The following DNAH11 variants were observed in gnomAD, a reference collection of about 807,000 sequenced individuals.
DNAH11 encodes the protein axonemal beta dynein heavy chain 11.
Under a neutral mutation model 526.0 loss-of-function variants are expected in DNAH11, and 442 were observed. The ratio of observed to expected loss-of-function variants is 0.84; its 90% CI spans 0.78 to 0.91. DNAH11 has a LOEUF of 0.91. DNAH11 is among the 40% of genes least tolerant of loss of function. The pLI is 0.00. For missense variants in DNAH11, 6,989 were observed against 5,448.7 expected, an observed-to-expected ratio of 1.28 and a Z score of -8.90; for synonymous variants, 2,461 against 1,935.9, an observed-to-expected ratio of 1.27 and a Z score of -7.12.
intron 38 of DNAH11, among the ~76,000 whole-genome samples, chr7:21,704,962 C>T (rs748674389): frequency 6.6e-6 from 1 of 152,150 alleles, no homozygotes. Context: ...GAAGTAAAAT[C>T]ATTAGTGCCT....
intron 8 of DNAH11, among the ~76,000 whole-genome samples, chr7:21,578,279 A>T (rs565014553): frequency 6.6e-6 from 1 of 152,338 alleles, no homozygotes; most frequent in East Asian, 1.9e-4. Context: ...TCCAAATGGG[A>T]GAAATTGGCC....
At chr7:21,660,725 A>T (rs1305755716) in intron 30 of DNAH11, among the ~76,000 whole-genome samples, 2 of 152,044 alleles carry the variant, frequency 1.3e-5, no homozygotes, top group African/African-American at 4.8e-5. Flanking sequence ...GTTTATAGGT[A>T]TAAACATGTA....
chr7:21,696,796 A>T (rs1047693517), intron 35 of DNAH11, among the ~76,000 whole-genome samples: 1 of 152,206 alleles, frequency 6.6e-6, no homozygotes, highest in African/African-American at 2.4e-5. Flanking sequence ...TAAAATGAAG[A>T]TAAGAGGAGT....
intron 67 of DNAH11, among the ~76,000 whole-genome samples, chr7:21,853,050 G>T (rs1263908718): frequency 3.3e-5 from 5 of 152,172 alleles, no homozygotes; most frequent in African/African-American, 1.2e-4. Flanking sequence ...TTACAGGCCT[G>T]CCGTGGCAGG....
rs749175590 is a variant in DNAH11, at chr7:21,901,479, G to T, written c.*225G>T. On this transcript the variant is annotated 3_prime_UTR_variant, in exon 82 of 82. Transcript: ENST00000409508. The stretch of plus-strand genomic sequence containing the variant: ...AATCCCAGTTACTCAGGAGGTAGGA[G>T]AATCACTTGAACCTAGGAGGCAAAG... The T allele has an allele frequency of 2.2e-6, 1 of 464,600 alleles. No individual in the cohort carries two copies. The highest frequency in any genetic ancestry group is 7.3e-5 in the South Asian group (1 of 13,724). The allele number at this position is 464,600 out of a possible 1,614,324, so 28.8% of individuals were successfully genotyped here. A position where few individuals can be genotyped will look rare whatever the true frequency, so the allele number is the denominator to read the frequency against.
chr7:21,591,384 A>G lies in DNAH11; in HGVS notation c.2474A>G (p.His825Arg). The change falls in exon 14 of 82, where the codon CAC becomes CGC. Residue 825 changes from histidine to arginine, a missense_variant. Coordinates refer to ENST00000409508, the MANE Select transcript of DNAH11 (RefSeq NM_001277115.2). ...RVRAATSELE[H>R]RVERTQKNVK... ...AGGGCAGCCACGTCCGAGTTGGAGC[A>G]CAGAGTTGAGCGCACACAGAAAAAC... is the stretch of plus-strand genomic sequence containing the variant. The G allele has an allele frequency of 6.2e-7, 1 of 1,613,930 alleles. No homozygotes were observed. Among genetic ancestry groups the G allele is most frequent in the South Asian group, 1.1e-5 (1 of 91,068 alleles).
rs771891040 is a variant in DNAH11, at chr7:21,571,893, C to T, written c.1513C>T (p.His505Tyr). The T allele has an allele frequency of 2.0e-5, 33 of 1,612,772 alleles. 2 individuals are homozygous for T. The Admixed American group carries it at 2.2e-4, about 11-fold the overall frequency. The stretch of plus-strand genomic sequence containing the variant: ...AGGAGCAATTTTAAATGGACAAGTC[C>T]ACGAGATGAGTGAAGAACTTATGGA... Reference protein sequence around the residue: ...TKGAILNGQVHEMSEELMELC... With the variant: ...TKGAILNGQVYEMSEELMELC... Residue 505 changes from histidine to tyrosine, a missense_variant, in exon 8 of 82, where the codon CAC (histidine) becomes TAC (tyrosine). Transcript: ENST00000409508.
chr7:21,605,359 T>G (rs1013449787), intron 18 of DNAH11, among the ~76,000 whole-genome samples: 1 of 152,216 alleles, frequency 6.6e-6, no homozygotes, highest in Non-Finnish European at 1.5e-5. Context: ...GAACAATTCT[T>G]TGTTAATTGG....
chr7:21,748,602 C>A lies in DNAH11; in HGVS notation c.8533C>A (p.Arg2845=), dbSNP rs121908854. 1 of 1,552,168 alleles carries A rather than the reference C, an allele frequency of 6.4e-7. No homozygotes were observed. Among genetic ancestry groups the A allele is most frequent in the Admixed American group, 1.9e-5 (1 of 52,100 alleles). Residue 2845 remains arginine, a synonymous_variant, in exon 52 of 82, where the codon CGA becomes AGA. Coordinates refer to ENST00000409508, the MANE Select transcript of DNAH11 (RefSeq NM_001277115.2). ...QHVCRISRIL[R]TPQGCALLVG... Reference sequence around the variant, plus strand: ...CAGGTGTCGCATCAGCCGGATCTTACGAACCCCTCAGGGCTGTGCTCTCTT... The same window carrying A: ...CAGGTGTCGCATCAGCCGGATCTTAAGAACCCCTCAGGGCTGTGCTCTCTT...
chr7:21,846,890 G>C (rs1782442173), intron 66 of DNAH11, among the ~76,000 whole-genome samples: 1 of 151,966 alleles, frequency 6.6e-6, no homozygotes, highest in Admixed American at 6.6e-5. Context: ...AATGCATATA[G>C]GCCTTTTCAG....
In DNAH11 at chr7:21,774,072, A is replaced by G. The variant is rs183648319; in HGVS notation, c.9336+73A>G. On this transcript the variant is annotated intron_variant, in intron 56 of 81. Coordinates refer to ENST00000409508, the MANE Select transcript of DNAH11 (RefSeq NM_001277115.2). Reference sequence around the variant, plus strand: ...AGAAAAATATATTTCCTTTTGAAGCACTACTAAATCCATTTCTATAAGATG... The same window carrying G: ...AGAAAAATATATTTCCTTTTGAAGCGCTACTAAATCCATTTCTATAAGATG... The G allele has an allele frequency of 9.9e-6, 13 of 1,312,684 alleles. 1 individual carries two copies. The Admixed American group carries it at 3.4e-4, about 34-fold the overall frequency. 81.3% of individuals were successfully genotyped at this position (1,312,684 alleles called of 1,614,324 possible).
chr7:21,644,762 A>G (rs568855207), intron 28 of DNAH11, among the ~76,000 whole-genome samples: 1 of 152,234 alleles, frequency 6.6e-6, no homozygotes, highest in African/African-American at 2.4e-5. Context: ...TCTGCTTGGC[A>G]TGACTTATGA....
chr7:21,867,769 G>C, intron 71 of DNAH11, 90 bp from the exon 72 acceptor site: 1 of 1,212,366 alleles, frequency 8.2e-7, no homozygotes, highest in Non-Finnish European at 1.2e-6. Context: ...TACTTCTATC[G>C]TGTGCCTGTG....
In DNAH11 at chr7:21,619,976, G is replaced by C; in HGVS notation, c.4398G>C (p.Gln1466His). 1.9e-6 allele frequency: 3 copies of C among 1,604,840 alleles called. No individual in the cohort carries two copies. The highest frequency in any genetic ancestry group is 2.5e-6 in the Non-Finnish European group (3 of 1,176,880). Residue 1466 changes from glutamine (Q) to histidine (H), a missense_variant, in exon 25 of 82, where the codon CAG (glutamine) becomes CAC (histidine). Gln to His is a conservative substitution (Grantham distance 24, BLOSUM62 0). Coordinates refer to ENST00000409508, the MANE Select transcript of DNAH11 (RefSeq NM_001277115.2). ...GTEKVITEIS[Q>H]TWATMKFSYE... The stretch of plus-strand genomic sequence containing the variant: ...ACTAGGTTATTACTGAAATCAGTCA[G>C]ACCTGGGCAACCATGAAGTTTTCTT...
intron 54 of DNAH11, among the ~76,000 whole-genome samples, chr7:21,757,861 G>A (rs1012416731): frequency 1.3e-5 from 2 of 152,208 alleles, no homozygotes; most frequent in African/African-American, 4.8e-5. Context: ...TTCAGGGTAT[G>A]TTTCTCATTT....
chr7:21,889,438 A>G (rs890999133), intron 76 of DNAH11, among the ~76,000 whole-genome samples: 1 of 152,312 alleles, frequency 6.6e-6, no homozygotes. Context: ...GCCAAGTGAT[A>G]ACTCTATGTT....
intron 51 of DNAH11, among the ~76,000 whole-genome samples, chr7:21,748,006 A>T (rs1786223658): frequency 6.6e-6 from 1 of 152,218 alleles, no homozygotes; most frequent in African/African-American, 2.4e-5. Flanking sequence ...TTTGGTGGTG[A>T]CAACAAAGCT....
chr7:21,863,772 T>G (rs986576950), intron 69 of DNAH11, among the ~76,000 whole-genome samples: 3 of 152,238 alleles, frequency 2.0e-5, no homozygotes, highest in African/African-American at 7.2e-5. Flanking sequence ...ATATGGATAA[T>G]TACGTTTGTT....
chr7:21,845,116 A>T (rs2128018529), intron 66 of DNAH11, among the ~76,000 whole-genome samples: 1 of 152,180 alleles, frequency 6.6e-6, no homozygotes, highest in East Asian at 1.9e-4. Flanking sequence ...TTGTATTCTG[A>T]ATGTCAGACT....
Sources: gnomAD v4.1 joint callset for allele counts (sites outside exome capture counted in the v4.1 genomes callset) on GRCh38, gnomAD v4.1.1 for gene constraint, MANE v1.5 for transcripts, NCBI Gene and HGNC (gene_info 2026-07-23, HGNC 2026-07-21) for gene names.